KIAA1549: variants seen among roughly 807,000 people sequenced by gnomAD.
KIAA1549 encodes UPF0606 protein KIAA1549.
A neutral mutation model predicts 156.4 loss-of-function variants in KIAA1549; 70 were observed. The observed-to-expected ratio is 0.45, with a 90% CI of 0.37 to 0.55. KIAA1549 has a LOEUF of 0.55. Among genes scored for constraint, KIAA1549 ranks in the 20% least tolerant of loss-of-function variants. The pLI, the probability that KIAA1549 is intolerant of heterozygous loss-of-function variation, is 0.00. For missense variants in KIAA1549, 2,428 were observed against 2,540.9 expected (o/e 0.96, Z 0.96); for synonymous variants, 1,103 against 1,066.4 (o/e 1.03, Z -0.67).
chr7:138,861,093 C>CTTCA, intron 16 of KIAA1549, 46 bp downstream of exon 16: 1 of 1,593,428 alleles, frequency 6.3e-7, no homozygotes, highest in Non-Finnish European at 8.6e-7. Flanking sequence ...GGCAACAAAG[C>CTTCA]TTCAACATCT....
chr7:138,954,665 G>A (rs1363997642), intron 1 of KIAA1549, among the ~76,000 whole-genome samples: 9 of 152,006 alleles, frequency 5.9e-5, no homozygotes, highest in African/African-American at 1.7e-4. Flanking sequence ...TCACCCCTCC[G>A]GATGTTGTCT....
At chr7:138,931,120 C>T (rs1461321570) in intron 1 of KIAA1549, among the ~76,000 whole-genome samples, 1 of 152,088 alleles carries the variant, frequency 6.6e-6, no homozygotes, top group South Asian at 2.1e-4. Context: ...TTAAGTTTGC[C>T]TTTGTATATG....
chr7:138,956,675 T>A (rs1316759738), intron 1 of KIAA1549, among the ~76,000 whole-genome samples: 1 of 152,228 alleles, frequency 6.6e-6, no homozygotes, highest in Non-Finnish European at 1.5e-5. Context: ...CATGGAACTG[T>A]GAGTCCATTA....
At chr7:138,910,878 A>G (rs1266038227) in intron 4 of KIAA1549, among the ~76,000 whole-genome samples, 2 of 151,776 alleles carry the variant, frequency 1.3e-5, no homozygotes, top group Non-Finnish European at 2.9e-5. Flanking sequence ...AAATTAAAAA[A>G]AAAATTAGCC....
At position 138,899,123 on chromosome 7, in the gene KIAA1549, C is replaced by T. The variant is rs1811772032; in HGVS notation, c.3679G>A (p.Val1227Met). The T allele has an allele frequency of 1.9e-6, 3 of 1,613,706 alleles. No individual in the cohort carries two copies. The highest frequency in any genetic ancestry group is 2.5e-6 in the Non-Finnish European group (3 of 1,179,670). ...AGNSVVQVVN[V>M]SRLEGDDNPV... is the part of the protein sequence containing the mutation. ...TTGTCATCTCCCTCCAGCCTCGACA[C>T]ATTTACCACCTGAAAGATAGCAGAA... Residue 1227 changes from valine (V) to methionine (M), a missense_variant, in exon 9 of 20, where the codon GTG (valine) becomes ATG (methionine). Val to Met is a conservative substitution (Grantham distance 21). This residue lies in a region of KIAA1549 where 762 missense variants were observed against 901.6 expected (regional missense o/e 0.85). Coordinates refer to ENST00000422774, the MANE Select transcript of KIAA1549 (RefSeq NM_001164665.2).
intron 1 of KIAA1549, among the ~76,000 whole-genome samples, chr7:138,970,413 G>T (rs1178631383): frequency 6.6e-6 from 1 of 152,176 alleles, no homozygotes; most frequent in Non-Finnish European, 1.5e-5. Context: ...GCTCAGCTCC[G>T]AACCCGCTAC....
intron 12 of KIAA1549, among the ~76,000 whole-genome samples, chr7:138,878,499 G>A (rs1811151105): frequency 2.6e-5 from 4 of 152,342 alleles, no homozygotes; most frequent in Admixed American, 2.6e-4. Flanking sequence ...GGTGGCTCAT[G>A]CCTATAATCC....
chr7:138,947,832 G>A (rs928135892), intron 1 of KIAA1549, among the ~76,000 whole-genome samples: 1 of 151,750 alleles, frequency 6.6e-6, no homozygotes, highest in African/African-American at 2.4e-5. Context: ...GCACCATCTC[G>A]GCTCACTGCA....
At chr7:138,861,115 G>A in intron 16 of KIAA1549, 24 bp downstream of exon 16, 3 of 1,611,292 alleles carry the variant, frequency 1.9e-6, no homozygotes, top group Non-Finnish European at 2.5e-6. Context: ...GCCCATCAGA[G>A]AATTCTAGAA....
At chr7:138,882,194 G>C (rs1186369099) in intron 10 of KIAA1549, among the ~76,000 whole-genome samples, 1 of 152,220 alleles carries the variant, frequency 6.6e-6, no homozygotes, top group Admixed American at 6.5e-5. Context: ...AGCAGGAGGA[G>C]AGCCTGGCCA....
intron 17 of KIAA1549, among the ~76,000 whole-genome samples, chr7:138,849,344 T>G (rs1298259029): frequency 1.3e-5 from 2 of 152,126 alleles, no homozygotes; most frequent in African/African-American, 4.8e-5. Flanking sequence ...CTTAGATCAC[T>G]GATTTTTCAG....
chr7:138,877,067 A>G (rs1478653920), intron 12 of KIAA1549, among the ~76,000 whole-genome samples: 1 of 152,216 alleles, frequency 6.6e-6, no homozygotes, highest in Non-Finnish European at 1.5e-5. Context: ...CGCAGGAGTG[A>G]GAGGGAACGC....
intron 1 of KIAA1549, among the ~76,000 whole-genome samples, chr7:138,929,689 T>C (rs1317451532): frequency 6.6e-6 from 1 of 152,122 alleles, no homozygotes; most frequent in African/African-American, 2.4e-5. Flanking sequence ...TTTTATCTTT[T>C]TGTTTTGTTT....
At chr7:138,872,722 T>C (rs573684224) in intron 12 of KIAA1549, among the ~76,000 whole-genome samples, 8 of 152,272 alleles carry the variant, frequency 5.3e-5, no homozygotes, top group African/African-American at 1.7e-4. Context: ...CTGGGCAACA[T>C]AGTTAAGACC....
At chr7:138,840,093 G>A (rs1584978834) in intron 19 of KIAA1549, 40 bp downstream of exon 19, 1 of 1,530,922 alleles carries the variant, frequency 6.5e-7, no homozygotes, top group East Asian at 2.5e-5. Context: ...CCTGGCCTAT[G>A]TCTAAATTTT....
chr7:138,972,603 T>G (rs893952902), intron 1 of KIAA1549, among the ~76,000 whole-genome samples: 11 of 151,816 alleles, frequency 7.2e-5, no homozygotes, highest in African/African-American at 2.7e-4. Context: ...AGGACAAAAA[T>G]CACACGGTGG....
rs1809666860 is a variant in KIAA1549, at chr7:138,835,054, A to G, written c.*2852T>C. ...TACCACTAGAACTTTTAAAATAGGA[A>G]AAAAGAATAGACATAAAATTCAACT... On this transcript the variant is annotated 3_prime_UTR_variant, in exon 20 of 20. Transcript: ENST00000422774. 8.8e-6 allele frequency: 2 copies of G among 226,166 alleles called. No homozygotes were observed. Among genetic ancestry groups the G allele is most frequent in the Non-Finnish European group, 1.8e-5 (2 of 113,648 alleles). 14.0% of individuals were successfully genotyped at this position (226,166 alleles called of 1,614,324 possible). A position where few individuals can be genotyped will look rare whatever the true frequency, so the allele number is the denominator to read the frequency against.
chr7:138,871,357 G>C lies in KIAA1549; in HGVS notation c.4351C>G (p.Pro1451Ala), dbSNP rs1810932984. Residue 1451 changes from proline (P) to alanine (A), a missense_variant, in exon 13 of 20, where the codon CCA (proline) becomes GCA (alanine). Transcript: ENST00000422774. ...RSHRAPQSGPPLPSSGNEQHS... is the reference protein window; with the variant it reads ...RSHRAPQSGPALPSSGNEQHS... Reference sequence around the variant, plus strand: ...TGCTCATTTCCCGAACTGGGCAGTGGTGGCCCTGGAACAGAAGGAAAAGCA... The same window carrying C: ...TGCTCATTTCCCGAACTGGGCAGTGCTGGCCCTGGAACAGAAGGAAAAGCA... The C allele has an allele frequency of 6.5e-7, 1 of 1,534,042 alleles. No individual in the cohort carries two copies. The highest frequency in any genetic ancestry group is 1.4e-5 in the African/African-American group (1 of 71,730).
intron 8 of KIAA1549, among the ~76,000 whole-genome samples, chr7:138,900,815 C>A (rs555400874): frequency 3.1e-4 from 47 of 152,386 alleles, no homozygotes; most frequent in African/African-American, 9.4e-4. Context: ...CTTCGCCTTC[C>A]AGCAAGAGGG....
Sources: gnomAD v4.1 joint callset for allele counts (sites outside exome capture counted in the v4.1 genomes callset) on GRCh38, gnomAD v4.1.1 for gene constraint, gnomAD v4.1.1 regional missense constraint, MANE v1.5 for transcripts, NCBI Gene and HGNC (gene_info 2026-07-23, HGNC 2026-07-21) for gene names.